Variants in ARHGAP25 observed in about 807,000 individuals in gnomAD.
ARHGAP25 encodes Rho GTPase activating protein 25, also known as rho GTPase-activating protein 25.
A neutral mutation model predicts 71.0 loss-of-function variants in ARHGAP25; 34 were observed. The observed-to-expected ratio is 0.48, with a 90% confidence interval of 0.36 to 0.64. ARHGAP25 has a LOEUF of 0.64. ARHGAP25 is among the 30% of genes least tolerant of loss of function. The pLI is 0.00. For missense variants in ARHGAP25, 706 were observed against 805.1 expected, an observed-to-expected ratio of 0.88 and a Z score of 1.49; for synonymous variants, 282 against 296.5, an observed-to-expected ratio of 0.95 and a Z score of 0.50.
intron 2 of ARHGAP25, among the ~76,000 whole-genome samples, chr2:68,713,410 CGATGG>C (rs1674534668): frequency 6.6e-6 from 1 of 152,136 alleles, no homozygotes; most frequent in African/African-American, 2.4e-5. Context: ...GGGGCTGAGA[CGATGG>C]GGTTTTCTAA....
chr2:68,720,316 CA>C (rs11314943), intron 2 of ARHGAP25, among the ~76,000 whole-genome samples: 24,317 of 75,396 alleles, frequency 0.32, 1,646 homozygotes, highest in East Asian at 0.38. Flanking sequence ...ACATTTCAGT[CA>C]AAAAAAAAAA....
chr2:68,755,424 T>TA (rs1448922568), intron 1 of ARHGAP25, among the ~76,000 whole-genome samples: 2 of 152,080 alleles, frequency 1.3e-5, no homozygotes, highest in South Asian at 2.1e-4. Flanking sequence ...CACTCCAAAA[T>TA]AAAAAAATAT....
chr2:68,761,664 C>A (rs1314312844), intron 1 of ARHGAP25, among the ~76,000 whole-genome samples: 1 of 152,000 alleles, frequency 6.6e-6, no homozygotes, highest in Admixed American at 6.6e-5. Flanking sequence ...TAGGGAAATG[C>A]AACACGAACT....
chr2:68,788,466 A>G (rs1028401165), intron 4 of ARHGAP25, among the ~76,000 whole-genome samples: 1 of 152,216 alleles, frequency 6.6e-6, no homozygotes, highest in African/African-American at 2.4e-5. Context: ...AGACTGGGGA[A>G]GGTTCAGGAA....
rs1675342594 is a variant in ARHGAP25, at chr2:68,738,623, TA to T, written c.61+3366del. 2.0e-5 allele frequency among the ~76,000 whole-genome samples: 3 copies of T among 151,900 alleles called. No homozygotes were observed. The South Asian group carries it at 6.2e-4, about 32-fold the overall frequency. ...CTGATAGATAAAGGTCCCCGATAGA[TA>T]AAGGTCCCCACACATGCAAGTAGAG... On this transcript the variant is annotated intron_variant, in intron 1 of 10. Coordinates refer to ENST00000409202, the MANE Select transcript of ARHGAP25 (RefSeq NM_001007231.3).
intron 1 of ARHGAP25, among the ~76,000 whole-genome samples, chr2:68,751,854 G>T (rs1364895437): frequency 6.6e-6 from 1 of 152,158 alleles, no homozygotes. Context: ...CTGAAGGCTG[G>T]TCCTGGCCAG....
chr2:68,774,569 T>G (rs1008757306), intron 1 of ARHGAP25, among the ~76,000 whole-genome samples: 1 of 152,202 alleles, frequency 6.6e-6, no homozygotes, highest in Non-Finnish European at 1.5e-5. Flanking sequence ...ATACTCTCCG[T>G]GGGCAGGGGA....
intron 1 of ARHGAP25, among the ~76,000 whole-genome samples, chr2:68,770,661 A>AT (rs1327608224): frequency 2.6e-5 from 4 of 152,076 alleles, no homozygotes; most frequent in Non-Finnish European, 5.9e-5. Context: ...CACTTCTTCT[A>AT]TTTCTCTTCT....
chr2:68,775,109 T>C (rs1677781401), intron 1 of ARHGAP25, 112 bp from the exon 2 acceptor site: 1 of 1,590,906 alleles, frequency 6.3e-7, no homozygotes, highest in African/African-American at 1.3e-5. Context: ...TGGACCTGGT[T>C]GTCGTCCCCC....
intron 2 of ARHGAP25, among the ~76,000 whole-genome samples, chr2:68,720,329 A>AAAG (rs1674728742): frequency 6.7e-6 from 1 of 149,398 alleles, no homozygotes; most frequent in African/African-American, 2.5e-5. Flanking sequence ...AAAAAAAAAA[A>AAAG]AAAAGAAAAG....
chr2:68,711,367 G>A (rs1674477099), intron 2 of ARHGAP25, among the ~76,000 whole-genome samples: 2 of 152,078 alleles, frequency 1.3e-5, no homozygotes. Context: ...TCATTATGAT[G>A]ATTTTAACTC....
At chr2:68,811,054 C>T (rs1409020457) in intron 5 of ARHGAP25, among the ~76,000 whole-genome samples, 5 of 152,156 alleles carry the variant, frequency 3.3e-5, no homozygotes, top group Non-Finnish European at 7.4e-5. Context: ...GATCCAGTTT[C>T]TTGAATTATC....
At position 68,806,012 on chromosome 2, in the gene ARHGAP25, G is replaced by A. The variant is rs576970224; in HGVS notation, c.467-1261G>A. On this transcript the variant is annotated intron_variant, in intron 4 of 10. Transcript: ENST00000409202. The stretch of plus-strand genomic sequence containing the variant: ...ATTTGTCTTCTCACACTGCCGGTGC[G>A]GGGAAACTGTGGAGCAAAGTTTCTC... Among the ~76,000 whole-genome samples, 15 of 152,310 alleles carry A rather than the reference G, an allele frequency of 9.8e-5. 1 individual carries two copies. The highest frequency in any genetic ancestry group is 1.4e-4 in the African/African-American group (6 of 41,576).
At chr2:68,810,711 A>C (rs982207677) in intron 5 of ARHGAP25, among the ~76,000 whole-genome samples, 1 of 143,716 alleles carries the variant, frequency 7.0e-6, no homozygotes, top group African/African-American at 2.6e-5. Flanking sequence ...CAAAAGATCC[A>C]ATTTCTTTTC....
chr2:68,740,737 G>A (rs1675478363), intron 1 of ARHGAP25, among the ~76,000 whole-genome samples: 1 of 152,178 alleles, frequency 6.6e-6, no homozygotes, highest in Non-Finnish European at 1.5e-5. Flanking sequence ...ATGCATATAT[G>A]AGTCAACCCC....
At chr2:68,813,794 A>T (rs1681004835) in intron 6 of ARHGAP25, among the ~76,000 whole-genome samples, 1 of 152,184 alleles carries the variant, frequency 6.6e-6, no homozygotes, top group African/African-American at 2.4e-5. Context: ...AGCAGCTGTG[A>T]GTGTCAGGCG....
chr2:68,730,204 G>C (rs568364017), upstream of ARHGAP25, among the ~76,000 whole-genome samples: 1 of 152,138 alleles, frequency 6.6e-6, no homozygotes, highest in Non-Finnish European at 1.5e-5. Flanking sequence ...GAAGGTGAGG[G>C]AGAAGTAGGA....
At chr2:68,796,429 C>T (rs1482738986) in intron 4 of ARHGAP25, among the ~76,000 whole-genome samples, 1 of 152,134 alleles carries the variant, frequency 6.6e-6, no homozygotes, top group Non-Finnish European at 1.5e-5. Flanking sequence ...TGTATTGTTA[C>T]ATTGATTTCT....
chr2:68,777,634 C>T (rs932141082), intron 2 of ARHGAP25, among the ~76,000 whole-genome samples: 4 of 152,060 alleles, frequency 2.6e-5, no homozygotes, highest in East Asian at 1.9e-4. Flanking sequence ...TATAATACAT[C>T]GGATCAATAG....
Sources: allele counts gnomAD v4.1 joint callset (sites outside exome capture counted in the v4.1 genomes callset), GRCh38; gene constraint gnomAD v4.1.1; transcripts MANE v1.5; gene names NCBI Gene and HGNC (gene_info 2026-07-23, HGNC 2026-07-21).